The following STK32B variants were observed in gnomAD, a reference collection of about 807,000 sequenced individuals.
The protein encoded by STK32B is serine/threonine kinase 32B, also known as serine/threonine-protein kinase 32B.
A neutral mutation model predicts 52.6 loss-of-function variants in STK32B; 43 were observed. That is an observed-to-expected ratio of 0.82 (90% CI 0.64 to 1.05). The LOEUF is 1.05. STK32B is among the 50% of genes least tolerant of loss of function. STK32B has a pLI of 0.00. For missense variants in STK32B, 621 were observed against 534.6 expected (o/e 1.16, Z -1.59); for synonymous variants, 238 against 204.3 (o/e 1.17, Z -1.41).
At chr4:5,105,648 C>G (rs1251768842) in intron 1 of STK32B, among the ~76,000 whole-genome samples, 2 of 151,978 alleles carry the variant, frequency 1.3e-5, no homozygotes, top group Non-Finnish European at 2.9e-5. Context: ...ACTGCAAGCT[C>G]CGCCTCCCGG....
At chr4:5,087,705 A>G (rs1712813313) in intron 1 of STK32B, among the ~76,000 whole-genome samples, 1 of 152,014 alleles carries the variant, frequency 6.6e-6, no homozygotes, top group Non-Finnish European at 1.5e-5. Flanking sequence ...GTAAATAAGG[A>G]TATTATATAA....
At chr4:5,281,981 T>G (rs1728229662) in intron 3 of STK32B, among the ~76,000 whole-genome samples, 1 of 152,188 alleles carries the variant, frequency 6.6e-6, no homozygotes, top group South Asian at 2.1e-4. Flanking sequence ...ATTTTTTTAT[T>G]AACAAGTCAT....
chr4:5,246,095 A>G (rs982208220), intron 3 of STK32B, among the ~76,000 whole-genome samples: 8 of 151,980 alleles, frequency 5.3e-5, no homozygotes, highest in Non-Finnish European at 8.8e-5. Context: ...CATTCTCTGT[A>G]TTTCCTGAAT....
chr4:5,239,085 C>T (rs977224309), intron 3 of STK32B, among the ~76,000 whole-genome samples: 1 of 152,016 alleles, frequency 6.6e-6, no homozygotes, highest in Admixed American at 6.6e-5. Context: ...TTCCATGCTG[C>T]AGGAGCAGTG....
chr4:5,081,248 T>C (rs1345315042), intron 1 of STK32B, among the ~76,000 whole-genome samples: 1 of 152,218 alleles, frequency 6.6e-6, no homozygotes, highest in Non-Finnish European at 1.5e-5. Flanking sequence ...TAAGTTGGAG[T>C]TCCCTATGTG....
chr4:5,479,057 C>T (rs542012688), intron 11 of STK32B, among the ~76,000 whole-genome samples: 4 of 151,352 alleles, frequency 2.6e-5, no homozygotes, highest in African/African-American at 9.8e-5. Context: ...CAGTTAATCC[C>T]GGGGAGTTTT....
At chr4:5,111,703 A>G (rs190189830) in intron 1 of STK32B, among the ~76,000 whole-genome samples, 7 of 152,082 alleles carry the variant, frequency 4.6e-5, no homozygotes, top group Admixed American at 1.3e-4. Flanking sequence ...CCCTGTCATT[A>G]TGCGTCTGAT....
At chr4:5,111,851 C>G (rs1327459025) in intron 1 of STK32B, among the ~76,000 whole-genome samples, 1 of 152,010 alleles carries the variant, frequency 6.6e-6, no homozygotes, top group African/African-American at 2.4e-5. Context: ...GATCCATGTG[C>G]AAATAGCTTG....
intron 5 of STK32B, among the ~76,000 whole-genome samples, chr4:5,405,417 T>A (rs1296830278): frequency 2.6e-5 from 4 of 152,164 alleles, no homozygotes; most frequent in Non-Finnish European, 5.9e-5. Flanking sequence ...AGTGCTATGG[T>A]CTGAATGTTT....
At position 5,378,577 on chromosome 4, in the gene STK32B, G is replaced by T. The variant is rs995191393; in HGVS notation, c.435-19630G>T. On this transcript the variant is annotated intron_variant, in intron 4 of 11. Transcript: ENST00000282908. This position sits in a 1 kb window ranked among gnomAD's most constrained non-coding sequence, Gnocchi z 4.4. Reference sequence around the variant, plus strand: ...ATTGATAGGGTTTGTTATGCCCTTTGTCTTCTCCACTGGTTTGGAAGCCCT... The same window carrying T: ...ATTGATAGGGTTTGTTATGCCCTTTTTCTTCTCCACTGGTTTGGAAGCCCT... 6.6e-6 allele frequency among the ~76,000 whole-genome samples: 1 copy of T among 151,534 alleles called. No homozygotes were observed. Among genetic ancestry groups the T allele is most frequent in the East Asian group, 1.9e-4 (1 of 5,168 alleles).
intron 3 of STK32B, among the ~76,000 whole-genome samples, chr4:5,267,911 G>A (rs947355856): frequency 1.3e-5 from 2 of 152,152 alleles, no homozygotes; most frequent in African/African-American, 4.8e-5. Context: ...GCCTCTCTTT[G>A]GGGGATAGAG....
rs148483386 is a variant in STK32B at position 5,161,892 on chromosome 4, C to G, written c.109-6407C>G. Among the ~76,000 whole-genome samples, 837 of 144,954 alleles carry G rather than the reference C, an allele frequency of 5.8e-3. 8 individuals carry two copies. The highest frequency in any genetic ancestry group is 0.02 in the African/African-American group (801 of 40,226). The stretch of plus-strand genomic sequence containing the variant: ...CAGAATCTTGCCCCTGCAAGCATAA[C>G]CAGCATCTTTTAATGTCACACTGTA... On this transcript the variant is annotated intron_variant, in intron 2 of 11. Coordinates refer to ENST00000282908, the MANE Select transcript of STK32B (RefSeq NM_018401.3).
At chr4:5,173,167 A>AT (rs1719533604) in intron 3 of STK32B, among the ~76,000 whole-genome samples, 3 of 151,964 alleles carry the variant, frequency 2.0e-5, no homozygotes, top group Non-Finnish European at 4.4e-5. Flanking sequence ...CCCCTTTGTC[A>AT]TTTTTATTGT....
chr4:5,255,624 A>G (rs1726243613), intron 3 of STK32B, among the ~76,000 whole-genome samples: 1 of 152,070 alleles, frequency 6.6e-6, no homozygotes, highest in South Asian at 2.1e-4. Flanking sequence ...AATCTCTAAC[A>G]CAAGCCATCT....
intron 3 of STK32B, among the ~76,000 whole-genome samples, chr4:5,328,690 A>G (rs529794422): frequency 6.6e-6 from 1 of 152,342 alleles, no homozygotes; most frequent in Non-Finnish European, 1.5e-5. Flanking sequence ...GAATTACCAA[A>G]ATGTGACACA....
chr4:5,316,668 T>C (rs1328849814), intron 3 of STK32B, among the ~76,000 whole-genome samples: 4 of 7,608 alleles, frequency 5.3e-4, no homozygotes, highest in East Asian at 0.016. Flanking sequence ...TAATATATAT[T>C]ATATATATAA....
At chr4:5,032,032 G>T in the STK32B span, among the ~76,000 whole-genome samples, 1 of 152,180 alleles carries the variant, frequency 6.6e-6, no homozygotes, top group Non-Finnish European at 1.5e-5. Flanking sequence ...TCACCAAGCA[G>T]ACTTTTTAAA....
At chr4:5,494,613 TCA>T (rs1720055667) in intron 11 of STK32B, among the ~76,000 whole-genome samples, 1 of 152,208 alleles carries the variant, frequency 6.6e-6, no homozygotes, top group African/African-American at 2.4e-5. Context: ...TTTGATCCTG[TCA>T]TGATGATGTT....
chr4:5,112,619 C>T (rs1714464860), intron 1 of STK32B, among the ~76,000 whole-genome samples: 1 of 152,104 alleles, frequency 6.6e-6, no homozygotes, highest in African/African-American at 2.4e-5. Context: ...ATCTCATTTC[C>T]AAACACCTTC....
Sources: allele counts gnomAD v4.1 joint callset (sites outside exome capture counted in the v4.1 genomes callset), GRCh38; gene constraint gnomAD v4.1.1; non-coding constraint Gnocchi (gnomAD v3.1); transcripts MANE v1.5; gene names NCBI Gene and HGNC (gene_info 2026-07-23, HGNC 2026-07-21).